Variants in GRIA3 observed in about 807,000 individuals in gnomAD.
GRIA3 encodes glutamate receptor 3.
A neutral mutation model predicts 63.0 loss-of-function variants in GRIA3; 3 were observed. The observed-to-expected ratio is 0.05, with a 90% CI of 0.02 to 0.12. The LOEUF is 0.12. GRIA3 is among the 10% of genes least tolerant of loss of function. GRIA3 has a pLI of 1.00. For synonymous variants in GRIA3, 274 were observed against 257.9 expected, an observed-to-expected ratio of 1.06 and a Z score of -0.60; for missense variants, 347 against 700.9, an observed-to-expected ratio of 0.50 and a Z score of 5.70.
intron 2 of GRIA3, among the ~76,000 whole-genome samples, chrX:123,248,187 GAA>G (rs1415719737): frequency 8.9e-6 from 1 of 112,440 alleles, no homozygotes; most frequent in African/African-American, 3.2e-5. Context: ...TACAGATGAA[GAA>G]ACTCTATCAG....
chrX:123,228,550 G>A (rs1278452758), intron 2 of GRIA3, among the ~76,000 whole-genome samples: 1 of 111,252 alleles, frequency 9.0e-6, no homozygotes, highest in Admixed American at 9.6e-5. Context: ...TAGCAGGTGA[G>A]CCAAAAATGA....
chrX:123,192,691 A>T (rs1927469643), intron 2 of GRIA3, among the ~76,000 whole-genome samples: 1 of 111,467 alleles, frequency 9.0e-6, no homozygotes, highest in Non-Finnish European at 1.9e-5. Context: ...CACAACCATC[A>T]TTTGTCCTTA....
At chrX:123,377,720 T>C (rs2147366610) in intron 5 of GRIA3, among the ~76,000 whole-genome samples, 1 of 111,821 alleles carries the variant, frequency 8.9e-6, no homozygotes, top group African/African-American at 3.2e-5. Context: ...CTATTTATCC[T>C]AACTTCCATC....
At chrX:123,185,556 C>A (rs1485109258) in intron 1 of GRIA3, among the ~76,000 whole-genome samples, 1 of 109,136 alleles carries the variant, frequency 9.2e-6, no homozygotes, top group African/African-American at 3.4e-5. Context: ...AAGAAAGAAC[C>A]AAGTCTCACT....
intron 2 of GRIA3, among the ~76,000 whole-genome samples, chrX:123,187,563 C>T (rs138286455): frequency 0.011 from 1,281 of 112,123 alleles, 8 homozygotes; most frequent in Middle Eastern, 0.023. Context: ...GAGGCTGAAT[C>T]TCAAATGCAG....
chrX:123,429,628 C>T (rs991597353), intron 12 of GRIA3, among the ~76,000 whole-genome samples: 16 of 111,937 alleles, frequency 1.4e-4, no homozygotes, highest in African/African-American at 4.9e-4. Flanking sequence ...AACACATAAC[C>T]AGCTCCATGG....
chrX:123,229,343 A>G (rs2044264718), intron 2 of GRIA3, among the ~76,000 whole-genome samples: 2 of 112,083 alleles, frequency 1.8e-5, no homozygotes, highest in Admixed American at 9.5e-5. Flanking sequence ...TTAGAGAAAA[A>G]CCATAGTCTG....
intron 12 of GRIA3, among the ~76,000 whole-genome samples, chrX:123,446,166 T>A (rs1464302525): frequency 4.4e-5 from 5 of 112,375 alleles, no homozygotes; most frequent in African/African-American, 1.6e-4. Context: ...ATATTCAGCA[T>A]GTGCCATGTT....
chrX:123,325,301 A>C (rs746613029), intron 3 of GRIA3, among the ~76,000 whole-genome samples: 3 of 111,802 alleles, frequency 2.7e-5, no homozygotes, highest in Non-Finnish European at 5.6e-5. Context: ...CCAAAACTCA[A>C]GCATCAGATC....
chrX:123,352,824 T>C (rs2045105423), intron 4 of GRIA3, among the ~76,000 whole-genome samples: 1 of 111,131 alleles, frequency 9.0e-6, no homozygotes, highest in Admixed American at 9.6e-5. Context: ...GGCAAGGATG[T>C]TTCTCGCAAG....
rs1276731137 is a variant in GRIA3 at position 123,408,887 on chromosome X, A to C, written c.1500+3973A>C. On this transcript the variant is annotated intron_variant, in intron 10 of 15. Coordinates refer to ENST00000620443, the MANE Select transcript of GRIA3 (RefSeq NM_007325.5). ...GCTATGAAAAATATACATTCTTATC[A>C]TGCTTGGAGTAAAAGCTCTCTGTTA... 2.7e-5 allele frequency among the ~76,000 whole-genome samples: 3 copies of C among 112,270 alleles called. No individual in the cohort carries two copies. In the East Asian group the frequency reaches 8.4e-4, roughly 31 times the overall value.
At position 123,454,533 on chromosome X, in the gene GRIA3, G is replaced by A. The variant is rs143790112; in HGVS notation, c.2077-10332G>A. 3.1e-3 allele frequency among the ~76,000 whole-genome samples: 338 copies of A among 110,695 alleles called. 1 individual carries two copies. The highest frequency in any genetic ancestry group is 0.01 in the African/African-American group (310 of 30,433). On this transcript the variant is annotated intron_variant, in intron 12 of 15. Transcript: ENST00000620443. Reference sequence around the variant, plus strand: ...TCAACCTTAGCACCGTTGACATTTGGGGCCGGATAATTACTGGTGGTGGGG... The same window carrying A: ...TCAACCTTAGCACCGTTGACATTTGAGGCCGGATAATTACTGGTGGTGGGG...
intron 4 of GRIA3, among the ~76,000 whole-genome samples, chrX:123,349,639 A>G (rs1241693020): frequency 9.0e-6 from 1 of 110,537 alleles, no homozygotes; most frequent in Non-Finnish European, 1.9e-5. Context: ...TACCACCCCC[A>G]CCCCCATTAC....
At chrX:123,359,326 G>C (rs1252890629) in intron 5 of GRIA3, among the ~76,000 whole-genome samples, 2 of 111,515 alleles carry the variant, frequency 1.8e-5, no homozygotes, top group Non-Finnish European at 3.8e-5. Flanking sequence ...GTAAATTATA[G>C]TTCGGATGGT....
chrX:123,373,115 G>A (rs1569426649), intron 5 of GRIA3, among the ~76,000 whole-genome samples: 1 of 109,974 alleles, frequency 9.1e-6, no homozygotes, highest in Non-Finnish European at 1.9e-5. Context: ...AATATGCGGT[G>A]TTTGGTTTTC....
At chrX:123,199,274 ATTTT>A (rs5903635) in intron 2 of GRIA3, among the ~76,000 whole-genome samples, 7 of 78,627 alleles carry the variant, frequency 8.9e-5, no homozygotes, top group Non-Finnish European at 1.4e-4. Context: ...AGTCTTTTAA[ATTTT>A]TTTTTTTTTT....
At chrX:123,196,394 G>A (rs771791819) in intron 2 of GRIA3, among the ~76,000 whole-genome samples, 1 of 111,945 alleles carries the variant, frequency 8.9e-6, no homozygotes, top group Non-Finnish European at 1.9e-5. Context: ...ATAACAGCAA[G>A]ACTCAGACAA....
rs1382724157 is a variant in GRIA3 at position 123,395,224 on chromosome X, A to AT, written c.912+99dup. 4 of 801,774 alleles carry AT rather than the reference A, an allele frequency of 5.0e-6. No individual in the cohort carries two copies. The African/African-American group carries it at 6.1e-5, about 12-fold the overall frequency. 66.1% of individuals were successfully genotyped at this position (801,774 alleles called of 1,213,427 possible). ...CTAACAGTCATCTTATGATCAAGTG[A>AT]TTTTCCTCAGAAGTGATTCAAAGAT... On this transcript the variant is annotated intron_variant, in intron 6 of 15. Transcript: ENST00000620443.
At chrX:123,443,851 G>A (rs942733216) in intron 12 of GRIA3, among the ~76,000 whole-genome samples, 1 of 111,633 alleles carries the variant, frequency 9.0e-6, no homozygotes, top group Non-Finnish European at 1.9e-5. Flanking sequence ...TAGAGGAGCA[G>A]ACTGGTCAGG....
Sources: gnomAD v4.1 joint callset for allele counts (sites outside exome capture counted in the v4.1 genomes callset) on GRCh38, gnomAD v4.1.1 for gene constraint, MANE v1.5 for transcripts, NCBI Gene and HGNC (gene_info 2026-07-23, HGNC 2026-07-21) for gene names.